Variants in PRELID2 observed in about 807,000 individuals in gnomAD.
PRELID2 encodes PRELI domain containing 2.
A neutral mutation model predicts 28.4 loss-of-function variants in PRELID2; 25 were observed. That is an observed-to-expected ratio of 0.88 (90% CI 0.64 to 1.23). PRELID2 has a LOEUF of 1.23. Among genes scored for constraint, PRELID2 ranks in the 50% most tolerant of loss-of-function variants. The pLI, the probability that PRELID2 is intolerant of heterozygous loss-of-function variation, is 0.00. For synonymous variants in PRELID2, 76 were observed against 71.6 expected (o/e 1.06, Z -0.31); for missense variants, 201 against 214.4 (o/e 0.94, Z 0.39).
At chr5:145,649,639 C>T (rs1754255652) in intron 1 of PRELID2, among the ~76,000 whole-genome samples, 1 of 152,118 alleles carries the variant, frequency 6.6e-6, no homozygotes, top group South Asian at 2.1e-4. Flanking sequence ...CTCTTCTGTC[C>T]TTCAGTTCAC....
chr5:145,806,683 T>C (rs1482224493), intron 4 of PRELID2, among the ~76,000 whole-genome samples: 1 of 152,204 alleles, frequency 6.6e-6, no homozygotes, highest in Non-Finnish European at 1.5e-5. Context: ...GTAATTCCCA[T>C]GTGTCAAGGG....
At chr5:145,833,218 A>G (rs371991) in intron 1 of PRELID2, among the ~76,000 whole-genome samples, 106,660 of 152,034 alleles carry the variant, frequency 0.7, 38,141 homozygotes, top group Non-Finnish European at 0.78. Flanking sequence ...AGTGAGTCTC[A>G]CCTTTAAAAA....
intron 1 of PRELID2, among the ~76,000 whole-genome samples, chr5:145,479,807 C>T (rs147647507): frequency 2.6e-5 from 4 of 152,174 alleles, no homozygotes; most frequent in African/African-American, 9.6e-5. Context: ...CACTACATGG[C>T]AAGAATGGTT....
intron 1 of PRELID2, among the ~76,000 whole-genome samples, chr5:145,590,016 T>C (rs1753206467): frequency 6.6e-6 from 1 of 152,230 alleles, no homozygotes; most frequent in African/African-American, 2.4e-5. Flanking sequence ...ATATGAATTA[T>C]GTACTAGGAT....
rs1043238247 is a variant in PRELID2, at chr5:145,710,566, GCTAAAAC to G, written n.70+54358_70+54364del. ...AGGAATTCTTCTCCCCTGAACTATGGCTAAAACAGAGAACGAACTATTCTCTCCCAAG... is the reference window on the plus strand; with the variant it reads ...AGGAATTCTTCTCCCCTGAACTATGGAGAGAACGAACTATTCTCTCCCAAG... On this transcript the variant is annotated intron_variant and non_coding_transcript_variant, in intron 1 of 2. Transcript: ENST00000510259. Among the ~76,000 whole-genome samples, 16 of 152,274 alleles carry G rather than the reference GCTAAAAC, an allele frequency of 1.1e-4. 1 individual carries two copies. The South Asian group carries it at 3.3e-3, about 32-fold the overall frequency.
chr5:145,470,237 T>C (rs1265873593), downstream of PRELID2, among the ~76,000 whole-genome samples: 1 of 152,068 alleles, frequency 6.6e-6, no homozygotes, highest in Admixed American at 6.6e-5. Context: ...AAAGAAGCCA[T>C]AGACAATATA....
chr5:145,728,510 T>C, intron 1 of PRELID2: 1 of 710,434 alleles, frequency 1.4e-6, no homozygotes, highest in Non-Finnish European at 2.6e-6. Flanking sequence ...AAAACCAGAG[T>C]TTGGTCCTTG....
chr5:145,702,692 C>G (rs1010135017), intron 1 of PRELID2, among the ~76,000 whole-genome samples: 34 of 152,096 alleles, frequency 2.2e-4, no homozygotes, highest in African/African-American at 8.2e-4. Context: ...TGTTTTGTGT[C>G]AATTGGCCAA....
At chr5:145,353,704 G>A in the PRELID2 span, among the ~76,000 whole-genome samples, 29 of 152,124 alleles carry the variant, frequency 1.9e-4, no homozygotes, top group East Asian at 5.4e-3. Context: ...ATTATCACAA[G>A]AACAGCATGG....
At chr5:145,681,665 T>A (rs1474017572) in intron 1 of PRELID2, among the ~76,000 whole-genome samples, 1 of 152,200 alleles carries the variant, frequency 6.6e-6, no homozygotes, top group Non-Finnish European at 1.5e-5. Flanking sequence ...CTATTATTTG[T>A]AAGCTCTGGG....
chr5:145,745,715 T>C (rs1260624317), intron 1 of PRELID2, among the ~76,000 whole-genome samples: 1 of 151,938 alleles, frequency 6.6e-6, no homozygotes, highest in Non-Finnish European at 1.5e-5. Context: ...TAGAAACAAT[T>C]AGCTGGATAT....
chr5:145,281,128 G>T, the PRELID2 span, among the ~76,000 whole-genome samples: 2 of 152,038 alleles, frequency 1.3e-5, no homozygotes, highest in Non-Finnish European at 2.9e-5. Context: ...TATCCTATCA[G>T]CCTTTACAAC....
intron 1 of PRELID2, among the ~76,000 whole-genome samples, chr5:145,666,605 A>T (rs1039688018): frequency 9.2e-5 from 14 of 152,096 alleles, no homozygotes; most frequent in Non-Finnish European, 1.6e-4. Context: ...CACAGCGCTC[A>T]AGGACAATAG....
At chr5:145,669,504 T>C (rs968377599) in intron 1 of PRELID2, among the ~76,000 whole-genome samples, 2 of 152,168 alleles carry the variant, frequency 1.3e-5, no homozygotes, top group Non-Finnish European at 2.9e-5. Flanking sequence ...GATCCGACTG[T>C]GTTAGCCTTC....
the PRELID2 span, among the ~76,000 whole-genome samples, chr5:145,281,904 C>T: frequency 6.6e-6 from 1 of 152,134 alleles, no homozygotes. Flanking sequence ...TTTAACCTCT[C>T]TAAAACTAAA....
At chr5:145,243,555 CTA>C in the PRELID2 span, among the ~76,000 whole-genome samples, 1 of 151,976 alleles carries the variant, frequency 6.6e-6, no homozygotes, top group Non-Finnish European at 1.5e-5. Flanking sequence ...GCTATGAAAG[CTA>C]TGTTTGGTTA....
At chr5:145,703,170 T>C (rs1457637751) in intron 1 of PRELID2, among the ~76,000 whole-genome samples, 1 of 152,190 alleles carries the variant, frequency 6.6e-6, no homozygotes, top group Non-Finnish European at 1.5e-5. Context: ...ACACAATCTA[T>C]TCAGAGCAGA....
the PRELID2 span, among the ~76,000 whole-genome samples, chr5:145,396,930 G>C: frequency 2.0e-5 from 3 of 151,840 alleles, no homozygotes; most frequent in African/African-American, 7.3e-5. Flanking sequence ...TGCAAAGTGA[G>C]TAATAAGAAA....
chr5:145,260,135 A>G, the PRELID2 span, among the ~76,000 whole-genome samples: 1 of 152,130 alleles, frequency 6.6e-6, no homozygotes, highest in Non-Finnish European at 1.5e-5. Flanking sequence ...GTCTTCCACC[A>G]TGATTAGAAG....
Sources: allele counts gnomAD v4.1 joint callset (sites outside exome capture counted in the v4.1 genomes callset), GRCh38; gene constraint gnomAD v4.1.1; transcripts MANE v1.5; gene names NCBI Gene and HGNC (gene_info 2026-07-23, HGNC 2026-07-21).